Variants in DRAXIN observed in about 807,000 individuals in gnomAD.
DRAXIN encodes the protein dorsal repulsive axon guidance protein.
DRAXIN carries 27 observed loss-of-function variants against 33.9 expected under a neutral mutation model. The ratio of observed to expected loss-of-function variants is 0.80; its 90% CI spans 0.59 to 1.10. DRAXIN has a LOEUF of 1.10. Among genes scored for constraint, DRAXIN ranks in the 50% least tolerant of loss-of-function variants. The pLI, the probability that DRAXIN is intolerant of heterozygous loss-of-function variation, is 0.00. For synonymous variants in DRAXIN, 178 were observed against 194.0 expected (o/e 0.92, Z 0.69); for missense variants, 371 against 460.8 (o/e 0.81, Z 1.78).
intron 6 of DRAXIN, among the ~76,000 whole-genome samples, chr1:11,718,000 CAAAAAAAA>C (rs57704802): frequency 2.5e-5 from 2 of 80,890 alleles, no homozygotes; most frequent in African/African-American, 1.2e-4. Context: ...GACCCTGTCT[CAAAAAAAA>C]AAAAAAAAAG....
At chr1:11,707,959 G>A (rs1641416168) in intron 2 of DRAXIN, among the ~76,000 whole-genome samples, 1 of 152,218 alleles carries the variant, frequency 6.6e-6, no homozygotes, top group Admixed American at 6.5e-5. Context: ...TGACAGCAGG[G>A]TTCTTTGGCA....
chr1:11,724,972 T>C lies in DRAXIN; in HGVS notation c.*5276T>C, dbSNP rs1298954689. 7.2e-5 allele frequency: 11 copies of C among 152,202 alleles called. No individual in the cohort carries two copies. The highest frequency in any genetic ancestry group is 7.2e-4 in the Admixed American group (11 of 15,266). 9.4% of individuals were successfully genotyped at this position (152,202 alleles called of 1,614,324 possible). A position where few individuals can be genotyped will look rare whatever the true frequency, so the allele number is the denominator to read the frequency against. On this transcript the variant is annotated 3_prime_UTR_variant, in exon 7 of 7. Transcript: ENST00000294485. ...TTTATATTGCAGGGAGTGTATTTTCTGAATTCTAAGTCAGAACAAGCAGTC... is the reference window on the plus strand; with the variant it reads ...TTTATATTGCAGGGAGTGTATTTTCCGAATTCTAAGTCAGAACAAGCAGTC...
intron 1 of DRAXIN, among the ~76,000 whole-genome samples, chr1:11,699,263 C>T (rs746112900): frequency 4.6e-5 from 7 of 152,072 alleles, no homozygotes; most frequent in South Asian, 2.1e-4. Context: ...AAATTCGATC[C>T]GTAATCCCAA....
chr1:11,710,802 A>G (rs1641481686), intron 3 of DRAXIN, among the ~76,000 whole-genome samples: 2 of 150,338 alleles, frequency 1.3e-5, no homozygotes, highest in African/African-American at 4.9e-5. Flanking sequence ...AGGCACATGT[A>G]GTTCCAGCTA....
At chr1:11,707,663 G>A (rs375667372) in intron 2 of DRAXIN, among the ~76,000 whole-genome samples, 6 of 152,342 alleles carry the variant, frequency 3.9e-5, no homozygotes, top group South Asian at 4.1e-4. Context: ...GAGAGGCATC[G>A]CTTGCCTACC....
intron 6 of DRAXIN, among the ~76,000 whole-genome samples, chr1:11,719,086 T>C (rs1641622105): frequency 6.6e-6 from 1 of 152,108 alleles, no homozygotes; most frequent in Non-Finnish European, 1.5e-5. Context: ...TTTTTTTAAG[T>C]AGAGACGGGG....
rs1641201224 is a variant in DRAXIN at position 11,696,897 on chromosome 1, A to G, written c.-11+5044A>G. ...ACAAAACAAATCAAAATAGCCAGGC[A>G]TGGTGGTGCATGCCTGTAATCCCAG... On this transcript the variant is annotated intron_variant, in intron 1 of 6. Coordinates refer to ENST00000294485, the MANE Select transcript of DRAXIN (RefSeq NM_198545.4). This position sits in a 1 kb window ranked among gnomAD's most constrained non-coding sequence, Gnocchi z 4.7. Among the ~76,000 whole-genome samples, 1 of 151,890 alleles carries G rather than the reference A, an allele frequency of 6.6e-6. No homozygotes were observed. The highest frequency in any genetic ancestry group is 1.5e-5 in the Non-Finnish European group (1 of 67,966).
Position 11,704,732 on chromosome 1 carries a change from C to T in DRAXIN, c.-10-1517C>T, listed in dbSNP as rs950777027. Among the ~76,000 whole-genome samples the T allele has an allele frequency of 2.6e-5, 4 of 152,236 alleles. No individual in the cohort carries two copies. Among genetic ancestry groups the T allele is most frequent in the African/African-American group, 9.6e-5 (4 of 41,470 alleles). ...GTCACCAAGGCTCACCTAGTATCTTCAGCCAGATCCCCGGGATAGGGGACA... is the reference window on the plus strand; with the variant it reads ...GTCACCAAGGCTCACCTAGTATCTTTAGCCAGATCCCCGGGATAGGGGACA... On this transcript the variant is annotated intron_variant, in intron 1 of 6. Transcript: ENST00000294485. The surrounding 1 kb of genome is among the most constrained non-coding windows in gnomAD (Gnocchi z 4.6).
rs1641074217 is a variant in DRAXIN, at chr1:11,691,800, T to TCCCGCGGGCGCTCGGCC, written c.-61_-45dup. The TCCCGCGGGCGCTCGGCC allele has an allele frequency of 6.7e-6, 1 of 148,468 alleles. No individual in the cohort carries two copies. Among genetic ancestry groups the TCCCGCGGGCGCTCGGCC allele is most frequent in the Non-Finnish European group, 1.5e-5 (1 of 67,220 alleles). 9.2% of individuals were successfully genotyped at this position (148,468 alleles called of 1,614,324 possible). A position where few individuals can be genotyped will look rare whatever the true frequency, so the allele number is the denominator to read the frequency against. On this transcript the variant is annotated 5_prime_UTR_variant, in exon 1 of 7. Coordinates refer to ENST00000294485, the MANE Select transcript of DRAXIN (RefSeq NM_198545.4). ...CGGCTCGCCCTCGGCTGCGCTCGGC[T>TCCCGCGGGCGCTCGGCC]CCCGCGGGCGCTCGGCCCCGAGCCC...
At chr1:11,708,047 C>T (rs559650068) in intron 2 of DRAXIN, among the ~76,000 whole-genome samples, 9 of 152,370 alleles carry the variant, frequency 5.9e-5, no homozygotes, top group African/African-American at 2.2e-4. Flanking sequence ...GAGAACCCCC[C>T]AAGAGGGCAG....
In DRAXIN at chr1:11,720,866, G is replaced by A; in HGVS notation, c.*1170G>A. 6.6e-6 allele frequency: 1 copy of A among 152,220 alleles called. No homozygotes were observed. Among genetic ancestry groups the A allele is most frequent in the Non-Finnish European group, 1.5e-5 (1 of 68,030 alleles). The allele number at this position is 152,220 out of a possible 1,614,324, so 9.4% of individuals were successfully genotyped here. ...CCTTCCTCTGTGGCTGGAATAACTT[G>A]ACTGTTCTCTGCCTTCCCTGGATAA... On this transcript the variant is annotated 3_prime_UTR_variant, in exon 7 of 7. Coordinates refer to ENST00000294485, the MANE Select transcript of DRAXIN (RefSeq NM_198545.4).
rs1641501214 is a variant in DRAXIN at position 11,711,973 on chromosome 1, C to T, written c.757+8C>T. 2 of 1,607,380 alleles carry T rather than the reference C, an allele frequency of 1.2e-6. No homozygotes were observed. The highest frequency in any genetic ancestry group is 1.3e-5 in the African/African-American group (1 of 74,796). On this transcript the variant is annotated splice_region_variant and intron_variant, in intron 4 of 6. Transcript: ENST00000294485. ...CCTCTGCAAAGAAGAAAGGTATGCC[C>T]ACCTACCCCACTATCTTCCATGCCT...
chr1:11,710,985 A>C (rs1641486964), intron 3 of DRAXIN, among the ~76,000 whole-genome samples: 1 of 150,726 alleles, frequency 6.6e-6, no homozygotes, highest in African/African-American at 2.4e-5. Context: ...ATATGTATAA[A>C]AAATACATAA....
At chr1:11,714,028 T>TA (rs1203024476) in intron 5 of DRAXIN, among the ~76,000 whole-genome samples, 2 of 151,176 alleles carry the variant, frequency 1.3e-5, no homozygotes, top group East Asian at 3.9e-4. Context: ...GTCTCAAAAT[T>TA]AAAAAAAATA....
intron 3 of DRAXIN, among the ~76,000 whole-genome samples, chr1:11,711,058 G>A (rs757449494): frequency 2.6e-5 from 4 of 152,044 alleles, no homozygotes; most frequent in Non-Finnish European, 5.9e-5. Flanking sequence ...TTGGGAGACC[G>A]ATGCGAATAG....
At chr1:11,712,552 T>A (rs1570317722) in intron 5 of DRAXIN, 123 bp downstream of exon 5, 1 of 907,940 alleles carries the variant, frequency 1.1e-6, no homozygotes, top group Non-Finnish European at 1.7e-6. Context: ...TGATAAATAA[T>A]AACAACAGCT....
chr1:11,714,836 A>G (rs988393073), intron 5 of DRAXIN, among the ~76,000 whole-genome samples: 3 of 152,138 alleles, frequency 2.0e-5, no homozygotes, highest in African/African-American at 4.8e-5. Flanking sequence ...CAGCTGTTCT[A>G]CTGGCTCTGT....
In DRAXIN at chr1:11,709,275, G is replaced by T. The variant is rs780599271; in HGVS notation, c.452G>T (p.Gly151Val). The T allele has an allele frequency of 2.5e-6, 4 of 1,609,648 alleles. No homozygotes were observed. Among genetic ancestry groups the T allele is most frequent in the Non-Finnish European group, 3.4e-6 (4 of 1,177,654 alleles). The part of the protein sequence containing the change: ...RRRDRLRLHQ[G>V]RALVRGPSSL... ...CCGTGCTCCCCACCCTGTGTCTCAGGCCGAGCCTTGGTCCGAGGTCCCAGC... is the reference window on the plus strand; with the variant it reads ...CCGTGCTCCCCACCCTGTGTCTCAGTCCGAGCCTTGGTCCGAGGTCCCAGC... Residue 151 changes from glycine (G) to valine (V), a missense_variant and splice_region_variant, in exon 3 of 7, where the codon GGC becomes GTC. Physicochemically the swap from Gly to Val is moderately radical, Grantham distance 109 (BLOSUM62 -3). Coordinates refer to ENST00000294485, the MANE Select transcript of DRAXIN (RefSeq NM_198545.4).
chr1:11,697,789 G>A (rs1310172615), intron 1 of DRAXIN, among the ~76,000 whole-genome samples: 1 of 152,294 alleles, frequency 6.6e-6, no homozygotes, highest in South Asian at 2.1e-4. Flanking sequence ...AGAGCTCTGT[G>A]CCTGAGAAAG....
Sources: allele counts gnomAD v4.1 joint callset (sites outside exome capture counted in the v4.1 genomes callset), GRCh38; gene constraint gnomAD v4.1.1; non-coding constraint Gnocchi (gnomAD v3.1); transcripts MANE v1.5; gene names NCBI Gene and HGNC (gene_info 2026-07-23, HGNC 2026-07-21).